The following DNAH17 variants were observed in gnomAD, a reference collection of about 807,000 sequenced individuals.
DNAH17 encodes axonemal beta dynein heavy chain 17.
Under a neutral mutation model 485.6 loss-of-function variants are expected in DNAH17, and 376 were observed. That is an observed-to-expected ratio of 0.77 (90% CI 0.71 to 0.84). DNAH17 has a LOEUF of 0.84. Among genes scored for constraint, DNAH17 ranks in the 40% least tolerant of loss-of-function variants. The probability of loss-of-function intolerance (pLI) is 0.00; values close to 1 mark genes in which losing one functional copy is unlikely to be tolerated. For missense variants in DNAH17, 6,370 were observed against 5,839.3 expected, an observed-to-expected ratio of 1.09 and a Z score of -2.96; for synonymous variants, 3,031 against 2,405.9, an observed-to-expected ratio of 1.26 and a Z score of -7.60.
chr17:78,443,915 A>G (rs185729068), intron 71 of DNAH17, among the ~76,000 whole-genome samples: 8 of 152,280 alleles, frequency 5.3e-5, no homozygotes, highest in Admixed American at 2.0e-4. Context: ...GAGAAATGAA[A>G]AGGGGAGAAG....
rs781580779 is a variant in DNAH17 at position 78,428,671 on chromosome 17, C to T, written c.12442G>A (p.Glu4148Lys). The T allele has an allele frequency of 6.2e-7, 1 of 1,613,876 alleles. No homozygotes were observed. The highest frequency in any genetic ancestry group is 8.5e-7 in the Non-Finnish European group (1 of 1,179,910). ...TGCAGGCCATACAGATAGGGACTCT[C>T]AGGGGGCAGGTTCTCATCGATGTAT... is the stretch of plus-strand genomic sequence containing the variant. ...HEYIDENLPP[E>K]SPYLYGLHPN... is the part of the protein sequence containing the mutation. Residue 4148 changes from glutamate to lysine, a missense_variant, in exon 77 of 81, where the codon GAG becomes AAG. By Grantham distance (56) the Glu-to-Lys change is moderately conservative. Coordinates refer to ENST00000389840, the MANE Select transcript of DNAH17 (RefSeq NM_173628.4).
At chr17:78,445,442 C>T (rs549739836) in intron 70 of DNAH17, 116 bp downstream of exon 70, 3 of 1,418,130 alleles carry the variant, frequency 2.1e-6, no homozygotes, top group African/African-American at 2.9e-5. Flanking sequence ...CCTTGCTTTA[C>T]TGAATTTATG....
intron 54 of DNAH17, among the ~76,000 whole-genome samples, chr17:78,470,653 C>T (rs535104719): frequency 2.0e-5 from 3 of 152,280 alleles, no homozygotes; most frequent in African/African-American, 4.8e-5. Context: ...TGTGCCATTG[C>T]ACTCCAGTCT....
intron 17 of DNAH17, among the ~76,000 whole-genome samples, chr17:78,542,765 C>T (rs1272639198): frequency 1.3e-5 from 2 of 152,160 alleles, no homozygotes; most frequent in African/African-American, 2.4e-5. Context: ...AGCAGGCGTG[C>T]ATTATCACAT....
intron 20 of DNAH17, 110 bp from the exon 21 acceptor site, chr17:78,530,622 G>T: frequency 7.5e-7 from 1 of 1,329,142 alleles, no homozygotes; most frequent in Non-Finnish European, 1.0e-6. Context: ...CTGCTCACCT[G>T]CCGGCCACTC....
At chr17:78,458,726 C>T in intron 61 of DNAH17, 46 bp from the exon 62 acceptor site, 2 of 1,519,756 alleles carry the variant, frequency 1.3e-6, no homozygotes, top group East Asian at 2.3e-5. Flanking sequence ...CACGAGGCAT[C>T]TCTAGCCCCC....
intron 73 of DNAH17, among the ~76,000 whole-genome samples, chr17:78,438,312 G>A (rs76177211): frequency 0.052 from 7,631 of 147,616 alleles, 265 homozygotes; most frequent in Middle Eastern, 0.11. Context: ...AGTGAGAAGG[G>A]GTCTTGGATG....
Position 78,439,080 on chromosome 17 carries a change from C to A in DNAH17, c.11805+10G>T, listed in dbSNP as rs770392382. 44 of 1,612,076 alleles carry A rather than the reference C, an allele frequency of 2.7e-5. No individual in the cohort carries two copies. The highest frequency in any genetic ancestry group is 3.6e-5 in the Non-Finnish European group (42 of 1,179,468). On this transcript the variant is annotated intron_variant, in intron 73 of 80. Transcript: ENST00000389840. ...GGAGCCCTTACCCTGCAGTGCTGGC[C>A]CCCTCGTACCTGCAGAATGACCCAG...
At chr17:78,479,667 G>A in intron 49 of DNAH17, 35 bp from the exon 50 acceptor site, 1 of 1,608,666 alleles carries the variant, frequency 6.2e-7, no homozygotes, top group East Asian at 2.2e-5. Context: ...CAGTCAGCCA[G>A]CTCTTGGGGA....
At position 78,485,129 on chromosome 17, in the gene DNAH17, G is replaced by A. The variant is rs2089541024; in HGVS notation, c.7484-96C>T. The stretch of plus-strand genomic sequence containing the variant: ...CTACCTGCTTCCCCGGAGGACAGAA[G>A]GTGGGACCTGGCTGGGATCCAAGTT... On this transcript the variant is annotated intron_variant, in intron 47 of 80. Coordinates refer to ENST00000389840, the MANE Select transcript of DNAH17 (RefSeq NM_173628.4). The A allele has an allele frequency of 1.6e-5, 23 of 1,434,582 alleles. No homozygotes were observed. The South Asian group carries it at 2.0e-4, about 13-fold the overall frequency. 88.9% of individuals were successfully genotyped at this position (1,434,582 alleles called of 1,614,324 possible).
At chr17:78,463,362 G>A (rs563121929) in intron 56 of DNAH17, among the ~76,000 whole-genome samples, 135 of 152,132 alleles carry the variant, frequency 8.9e-4, no homozygotes, top group African/African-American at 3.0e-3. Flanking sequence ...ACACACACAC[G>A]TATATGTGCA....
chr17:78,441,379 C>G (rs1296166334), intron 71 of DNAH17, among the ~76,000 whole-genome samples, 180 bp from the exon 72 acceptor site: 1 of 152,110 alleles, frequency 6.6e-6, no homozygotes. Flanking sequence ...AGGGATTGGC[C>G]TTGTTTGCCT....
chr17:78,550,968 C>T (rs998553251), intron 16 of DNAH17, among the ~76,000 whole-genome samples: 4 of 152,162 alleles, frequency 2.6e-5, no homozygotes, highest in African/African-American at 7.2e-5. Context: ...CCTGTAATCC[C>T]AGCACTTTGG....
rs34947727 is a variant in DNAH17 at position 78,459,969 on chromosome 17, G to A, written c.9468C>T (p.Ser3156=). The A allele has an allele frequency of 4.0e-4, 651 of 1,613,212 alleles. 3 individuals are homozygous for A. The African/African-American group carries it at 7.9e-3, about 20-fold the overall frequency. Reference sequence around the variant, plus strand: ...TGACGTTGACCACAGCATCCGGCGGGGACCCAAAGGACTTCAGCTCTGTCA... The same window carrying A: ...TGACGTTGACCACAGCATCCGGCGGAGACCCAAAGGACTTCAGCTCTGTCA... ...NNLTELKSFG[S]PPDAVVNVTA... The change falls in exon 60 of 81, where the codon TCC becomes TCT. Residue 3156 remains serine, a synonymous_variant. Transcript: ENST00000389840.
At position 78,502,966 on chromosome 17, in the gene DNAH17, G is replaced by A. The variant is rs748271506; in HGVS notation, c.5002C>T (p.Leu1668Phe). The A allele has an allele frequency of 6.2e-7, 1 of 1,613,910 alleles. No individual in the cohort carries two copies. The highest frequency in any genetic ancestry group is 1.7e-5 in the Admixed American group (1 of 60,010). Reference protein sequence around the residue: ...NRVLDRMCSTLRHEIPEAVVT... With the variant: ...NRVLDRMCSTFRHEIPEAVVT... ...ACGGCCTCTGGGATTTCGTGCCGGA[G>A]GGTAGAGCACATTCGGTCCAGCACT... Residue 1668 changes from leucine to phenylalanine, a missense_variant, in exon 32 of 81, where the codon CTC becomes TTC. Leu to Phe is a conservative substitution (Grantham distance 22). Coordinates refer to ENST00000389840, the MANE Select transcript of DNAH17 (RefSeq NM_173628.4).
At position 78,507,524 on chromosome 17, in the gene DNAH17, G is replaced by A. The variant is rs536643419; in HGVS notation, c.4518C>T (p.Ser1506=). The change falls in exon 28 of 81, where the codon TCC becomes TCT. Residue 1506 remains serine (S), a synonymous_variant. Coordinates refer to ENST00000389840, the MANE Select transcript of DNAH17 (RefSeq NM_173628.4). ...CCGGGAGCTGGGTGCGGATGTCTTC[G>A]GAGCCGATGAAGATGCTCTCCAGGT... ...WSHLESIFIG[S]EDIRTQLPGD... is the part of the protein sequence containing the mutation. 2.2e-5 allele frequency: 35 copies of A among 1,613,992 alleles called. No individual in the cohort carries two copies. In the African/African-American group the frequency reaches 2.8e-4, roughly 13 times the overall value.
chr17:78,489,075 T>A (rs1446193095), intron 44 of DNAH17, among the ~76,000 whole-genome samples: 2 of 152,078 alleles, frequency 1.3e-5, no homozygotes, highest in South Asian at 2.1e-4. Flanking sequence ...AGCAGGCAAG[T>A]GTTGCTGGAG....
At chr17:78,509,945 GC>G (rs1201074450) in intron 27 of DNAH17, among the ~76,000 whole-genome samples, 1 of 152,224 alleles carries the variant, frequency 6.6e-6, no homozygotes, top group Non-Finnish European at 1.5e-5. Context: ...CCTTTGGGAG[GC>G]TGAGGCGAGC....
chr17:78,560,554 T>C (rs1041707775), intron 13 of DNAH17, among the ~76,000 whole-genome samples, 186 bp downstream of exon 13: 1 of 152,314 alleles, frequency 6.6e-6, no homozygotes, highest in South Asian at 2.1e-4. Context: ...TCATTGAAGC[T>C]ATTGTCAAAG....
Sources: allele counts gnomAD v4.1 joint callset (sites outside exome capture counted in the v4.1 genomes callset), GRCh38; gene constraint gnomAD v4.1.1; transcripts MANE v1.5; gene names NCBI Gene and HGNC (gene_info 2026-07-23, HGNC 2026-07-21).